NBR1: variants seen among roughly 807,000 people sequenced by gnomAD.
The protein encoded by NBR1 is next to BRCA1 gene 1 protein.
Under a neutral mutation model 115.5 loss-of-function variants are expected in NBR1, and 59 were observed. That is an observed-to-expected ratio of 0.51 (90% CI 0.41 to 0.63). NBR1 has a LOEUF of 0.63. Among genes scored for constraint, NBR1 ranks in the 30% least tolerant of loss-of-function variants. The pLI is 0.00. For synonymous variants in NBR1, 373 were observed against 414.7 expected (o/e 0.90, Z 1.22); for missense variants, 1,043 against 1,150.5 (o/e 0.91, Z 1.35).
chr17:43,196,180 T>G, intron 14 of NBR1: 1 of 216,736 alleles, frequency 4.6e-6, no homozygotes, highest in Non-Finnish European at 8.9e-6. Context: ...TATAAAGGAA[T>G]CCTCTTCTCT....
intron 6 of NBR1, among the ~76,000 whole-genome samples, chr17:43,187,537 C>T (rs1287773751): frequency 2.9e-5 from 3 of 102,884 alleles, no homozygotes; most frequent in African/African-American, 1.1e-4. Flanking sequence ...GAGACAGAGT[C>T]TTGCACCTTC....
At chr17:43,199,419 G>A (rs2057144132) in intron 16 of NBR1, among the ~76,000 whole-genome samples, 1 of 151,582 alleles carries the variant, frequency 6.6e-6, no homozygotes, top group Admixed American at 6.6e-5. Context: ...TGTCACCCAG[G>A]CTGGAGTGCA....
intron 1 of NBR1, among the ~76,000 whole-genome samples, chr17:43,171,823 CAG>C (rs1273902340): frequency 6.6e-6 from 1 of 152,132 alleles, no homozygotes; most frequent in African/African-American, 2.4e-5. Flanking sequence ...TTTTTTGAGA[CAG>C]AGTCTTGCTT....
intron 10 of NBR1, among the ~76,000 whole-genome samples, chr17:43,192,715 AAGAT>A (rs1185297374): frequency 3.3e-5 from 5 of 152,166 alleles, no homozygotes; most frequent in Non-Finnish European, 7.3e-5. Context: ...CTTCTTCAGA[AAGAT>A]AGAAACCACT....
Position 43,210,117 on chromosome 17 carries a change from A to G in NBR1, c.*43A>G, listed in dbSNP as rs1194509576. On this transcript the variant is annotated 3_prime_UTR_variant, in exon 21 of 21. Transcript: ENST00000590996. ...AATAACTGCCTGCTGCTCAGAGATG[A>G]TCTTTATTCTGTCATTGGGGTATGG... The G allele has an allele frequency of 6.4e-7, 1 of 1,563,262 alleles. No individual in the cohort carries two copies. The highest frequency in any genetic ancestry group is 1.4e-5 in the African/African-American group (1 of 73,312).
intron 8 of NBR1, chr17:43,190,346 A>G (rs1376722789): frequency 6.7e-6 from 3 of 449,314 alleles, no homozygotes; most frequent in Non-Finnish European, 1.2e-5. Flanking sequence ...TGCTGGGATT[A>G]CAGACATGAG....
chr17:43,197,540 G>T (rs2057098430), intron 16 of NBR1, among the ~76,000 whole-genome samples: 2 of 151,476 alleles, frequency 1.3e-5, no homozygotes, highest in South Asian at 4.2e-4. Context: ...AAGAAATTCT[G>T]ATCTTGTTTG....
chr17:43,176,604 T>C (rs2154581934), intron 2 of NBR1: 1 of 152,016 alleles, frequency 6.6e-6, no homozygotes, highest in South Asian at 2.1e-4. Context: ...GAGGTAGTTG[T>C]CTGCCTTCCA....
At chr17:43,179,457 A>G (rs1235309858) in intron 4 of NBR1, 45 bp downstream of exon 4, 7 of 1,562,072 alleles carry the variant, frequency 4.5e-6, no homozygotes, top group Non-Finnish European at 6.2e-6. Flanking sequence ...AAAAACCTTA[A>G]TCTGCTCATT....
intron 14 of NBR1, 58 bp from the exon 15 acceptor site, chr17:43,196,423 A>C (rs2057068701): frequency 9.6e-7 from 1 of 1,045,392 alleles, no homozygotes; most frequent in African/African-American, 1.7e-5. Context: ...CTGGACACTG[A>C]CTGTTGATGA....
intron 5 of NBR1, among the ~76,000 whole-genome samples, chr17:43,185,277 A>T (rs908646222): frequency 1.3e-5 from 2 of 152,156 alleles, no homozygotes; most frequent in Admixed American, 6.6e-5. Flanking sequence ...ATGACAAAAA[A>T]TTTTTTAAAT....
chr17:43,200,776 T>G (rs2057180594), intron 17 of NBR1, among the ~76,000 whole-genome samples, 168 bp downstream of exon 17: 1 of 152,220 alleles, frequency 6.6e-6, no homozygotes. Flanking sequence ...ATTTGTGGAT[T>G]CTGGATTTAA....
At chr17:43,199,083 G>A (rs957572115) in intron 16 of NBR1, among the ~76,000 whole-genome samples, 1 of 141,756 alleles carries the variant, frequency 7.1e-6, no homozygotes, top group East Asian at 2.1e-4. Context: ...AGGATTTATG[G>A]GTAATTTTTT....
intron 7 of NBR1, 74 bp from the exon 8 acceptor site, chr17:43,189,514 A>T: frequency 2.0e-6 from 2 of 1,018,832 alleles, no homozygotes; most frequent in African/African-American, 1.6e-5. Flanking sequence ...TAGGTTTCAG[A>T]TCTATTGATA....
intron 19 of NBR1, among the ~76,000 whole-genome samples, chr17:43,203,025 G>A (rs528946245): frequency 6.6e-6 from 1 of 152,050 alleles, no homozygotes; most frequent in Admixed American, 6.6e-5. Flanking sequence ...GCATGGTGGC[G>A]GGCACCTGTA....
intron 16 of NBR1, among the ~76,000 whole-genome samples, chr17:43,199,600 A>C (rs2154582331): frequency 6.7e-6 from 1 of 149,576 alleles, no homozygotes; most frequent in East Asian, 2.0e-4. Context: ...TGGCCTTGAT[A>C]TCCTGACCTC....
intron 16 of NBR1, among the ~76,000 whole-genome samples, chr17:43,199,029 G>T (rs886214017): frequency 6.6e-5 from 10 of 151,894 alleles, no homozygotes; most frequent in Admixed American, 1.3e-4. Context: ...TAACAAAAAG[G>T]TCTGGAAAGA....
At chr17:43,188,910 C>T in intron 6 of NBR1, 132 bp from the exon 7 acceptor site, 1 of 647,556 alleles carries the variant, frequency 1.5e-6, no homozygotes, top group East Asian at 2.7e-5. Context: ...AGTACGCCTT[C>T]ATACTGTGAC....
chr17:43,210,195 T>C lies in NBR1; in HGVS notation c.*121T>C. The C allele has an allele frequency of 2.2e-6, 2 of 891,182 alleles. No homozygotes were observed. Among genetic ancestry groups the C allele is most frequent in the Non-Finnish European group, 3.1e-6 (2 of 639,706 alleles). The allele number at this position is 891,182 out of a possible 1,614,324, so 55.2% of individuals were successfully genotyped here. On this transcript the variant is annotated 3_prime_UTR_variant, in exon 21 of 21. Coordinates refer to ENST00000590996, the MANE Select transcript of NBR1 (RefSeq NM_005899.5). ...TGATGAATCTGTATAGAGCCCATCG[T>C]TGAGTTACCAAGACAATACCTGCTA...
Sources: gnomAD v4.1 joint callset for allele counts (sites outside exome capture counted in the v4.1 genomes callset) on GRCh38, gnomAD v4.1.1 for gene constraint, MANE v1.5 for transcripts, NCBI Gene and HGNC (gene_info 2026-07-23, HGNC 2026-07-21) for gene names.